The following NEB variants were observed in gnomAD, a reference collection of about 807,000 sequenced individuals.
NEB encodes nemaline myopathy type 2.
Under a neutral mutation model 952.2 loss-of-function variants are expected in NEB, and 512 were observed. That is an observed-to-expected ratio of 0.54 (90% confidence interval 0.50 to 0.58). The LOEUF (loss-of-function observed/expected upper bound fraction) is 0.58. NEB is among the 20% of genes least tolerant of loss of function. The pLI is 0.00. For synonymous variants in NEB, 2,900 were observed against 3,149.8 expected, an observed-to-expected ratio of 0.92 and a Z score of 2.66; for missense variants, 8,428 against 9,231.1, an observed-to-expected ratio of 0.91 and a Z score of 3.56.
rs115142419 is a variant in NEB at position 151,551,735 on chromosome 2, C to T, written c.19944+3G>A. Reference sequence around the variant, plus strand: ...TGGGCACTCTCAAGTTCTCACTGCTCACCGAACTCTGGAGCTTGTATGCAT... The same window carrying T: ...TGGGCACTCTCAAGTTCTCACTGCTTACCGAACTCTGGAGCTTGTATGCAT... On this transcript the variant is annotated splice_donor_region_variant and intron_variant, in intron 129 of 181. Transcript: ENST00000397345. The T allele has an allele frequency of 4.4e-4, 708 of 1,612,008 alleles. No individual in the cohort carries two copies. The African/African-American group carries it at 7.5e-3, about 17-fold the overall frequency.
chr2:151,552,749 T>A lies in NEB; in HGVS notation c.19759A>T (p.Thr6587Ser), dbSNP rs1416292485. The change falls in exon 128 of 182, where the codon ACA becomes TCA. Residue 6587 changes from threonine to serine, a missense_variant. Coordinates refer to ENST00000397345, the MANE Select transcript of NEB (RefSeq NM_001164508.2). ...GTGACAAGCTTGTAGTCATTCCTTG[T>A]TTTCAACATGTGAGCTTTATACTTG... ...DIKYKAHMLK[T>S]RNDYKLVTDT... The A allele has an allele frequency of 1.2e-5, 19 of 1,613,128 alleles. No individual in the cohort carries two copies. Among genetic ancestry groups the A allele is most frequent in the Non-Finnish European group, 1.6e-5 (19 of 1,179,450 alleles).
At chr2:151,548,276 A>T in intron 131 of NEB, 32 bp downstream of exon 131, 2 of 1,522,892 alleles carry the variant, frequency 1.3e-6, no homozygotes, top group Non-Finnish European at 1.8e-6. Context: ...TTGAAACTCA[A>T]TATGTCTCTT....
chr2:151,732,194 A>G, intron 3 of NEB, among the ~76,000 whole-genome samples: 1 of 152,090 alleles, frequency 6.6e-6, no homozygotes, highest in Non-Finnish European at 1.5e-5. Context: ...GGAGATTTTC[A>G]TGTGTTTAGA....
chr2:151,723,585 G>A (rs977931111), intron 8 of NEB, 99 bp from the exon 9 acceptor site: 6 of 807,044 alleles, frequency 7.4e-6, no homozygotes, highest in Non-Finnish European at 1.2e-5. Flanking sequence ...AAGAACCAAG[G>A]GCCAGGTGAG....
intron 24 of NEB, 59 bp downstream of exon 24, chr2:151,690,668 C>T: frequency 8.2e-7 from 1 of 1,220,630 alleles, no homozygotes; most frequent in South Asian, 1.3e-5. Flanking sequence ...TAAATGCTTA[C>T]ATTTTAAATG....
intron 159 of NEB, among the ~76,000 whole-genome samples, chr2:151,513,975 G>A (rs147769181): frequency 6.1e-4 from 93 of 152,262 alleles, no homozygotes; most frequent in African/African-American, 1.9e-3. Flanking sequence ...AAAGTAAATT[G>A]TACATCTAGT....
Position 151,650,677 on chromosome 2 carries a change from A to G in NEB, c.7124T>C (p.Leu2375Ser). 1 of 1,613,874 alleles carries G rather than the reference A, an allele frequency of 6.2e-7. No individual in the cohort carries two copies. The highest frequency in any genetic ancestry group is 8.5e-7 in the Non-Finnish European group (1 of 1,179,804). The change falls in exon 53 of 182, where the codon TTG becomes TCG. Residue 2375 changes from leucine to serine, a missense_variant. This residue lies in a region of NEB where 1,772 missense variants were observed against 1,960.3 expected (regional missense o/e 0.90). Transcript: ENST00000397345. Reference sequence around the variant, plus strand: ...GTTCTTGTAGTCCACGTCACTAACCAACTCCTGACACTTCTTGGCCAGTAC... The same window carrying G: ...GTTCTTGTAGTCCACGTCACTAACCGACTCCTGACACTTCTTGGCCAGTAC... ...GVVLAKKCQE[L>S]VSDVDYKNYL...
Position 151,548,311 on chromosome 2 carries a change from G to A in NEB, c.20154C>T (p.Ser6718=), listed in dbSNP as rs753253128. 55 of 1,608,202 alleles carry A rather than the reference G, an allele frequency of 3.4e-5. No individual in the cohort carries two copies. Among genetic ancestry groups the A allele is most frequent in the Middle Eastern group, 1.6e-4 (1 of 6,072 alleles). Residue 6718 remains serine (S), a synonymous_variant, in exon 131 of 182, where the codon AGC becomes AGT. Coordinates refer to ENST00000397345, the MANE Select transcript of NEB (RefSeq NM_001164508.2). The part of the protein sequence containing the change: ...VHVRRVNNVT[S]ERLYRELYHK... ...TGGAGAATCAGCATTCAGGTACCTC[G>A]CTGGTAACATTGTTGACTCTCCGGA...
intron 124 of NEB, 102 bp from the exon 125 acceptor site, chr2:151,555,146 C>T: frequency 1.3e-6 from 1 of 783,930 alleles, no homozygotes; most frequent in Non-Finnish European, 2.1e-6. Flanking sequence ...ACTCTGAGAT[C>T]CACCCAGCGT....
At chr2:151,721,206 C>T (rs991580792) in intron 9 of NEB, among the ~76,000 whole-genome samples, 1 of 152,092 alleles carries the variant, frequency 6.6e-6, no homozygotes, top group Non-Finnish European at 1.5e-5. Context: ...CCTGTATTTC[C>T]TAATCTCAAT....
At chr2:151,671,472 T>A (rs2099290481) in intron 37 of NEB, 3 of 439,298 alleles carry the variant, frequency 6.8e-6, no homozygotes, top group South Asian at 4.7e-5. Context: ...CTAAAAAAAA[T>A]TTTGTCACTT....
Position 151,671,033 on chromosome 2 carries a change from T to C in NEB, c.4496A>G (p.Gln1499Arg), listed in dbSNP as rs2099279149. 9.3e-6 allele frequency: 15 copies of C among 1,613,592 alleles called. No homozygotes were observed. Among genetic ancestry groups the C allele is most frequent in the Non-Finnish European group, 1.0e-5 (12 of 1,179,634 alleles). The change falls in exon 38 of 182, where the codon CAG (glutamine) becomes CGG (arginine). Residue 1499 changes from glutamine (Q) to arginine (R), a missense_variant. Coordinates refer to ENST00000397345, the MANE Select transcript of NEB (RefSeq NM_001164508.2). ...GMVLAQHNTK[Q>R]LSDLNYKVEG... ...AAGGAAAGCACTCACATCACTTAGC[T>C]GCTTTGTGTTATGCTGAGCCAACAC...
chr2:151,632,765 AG>A (rs2098694890), intron 65 of NEB, among the ~76,000 whole-genome samples: 1 of 152,084 alleles, frequency 6.6e-6, no homozygotes, highest in South Asian at 2.1e-4. Flanking sequence ...CACATTATGA[AG>A]GTCATATCGC....
intron 24 of NEB, chr2:151,689,614 G>T (rs1473145767): frequency 1.3e-5 from 2 of 152,166 alleles, no homozygotes; most frequent in Non-Finnish European, 2.9e-5. Context: ...GTTTAATTTT[G>T]GAGCCAAAGG....
chr2:151,490,158 T>C (rs1183914657), intron 180 of NEB, 81 bp from the exon 181 acceptor site: 4 of 1,240,260 alleles, frequency 3.2e-6, no homozygotes, highest in Non-Finnish European at 4.6e-6. Flanking sequence ...CTGAGTGATG[T>C]CTTTTTCCCC....
At chr2:151,518,564 A>C (rs2079589990) in intron 155 of NEB, 142 bp from the exon 156 acceptor site, 4 of 647,830 alleles carry the variant, frequency 6.2e-6, no homozygotes, top group Non-Finnish European at 1.1e-5. Context: ...AGGTTAAGAA[A>C]AAGTTTTAAA....
chr2:151,535,548 G>T, intron 142 of NEB, 143 bp downstream of exon 142: 1 of 553,676 alleles, frequency 1.8e-6, no homozygotes, highest in South Asian at 2.4e-5. Context: ...TGACATTATA[G>T]AGTCTTTTCC....
chr2:151,491,897 G>C (rs2056897257), intron 178 of NEB, 122 bp from the exon 179 acceptor site: 1 of 988,862 alleles, frequency 1.0e-6, no homozygotes, highest in Non-Finnish European at 1.5e-6. Context: ...CTTAGGTTCT[G>C]GGTCATGTCT....
intron 55 of NEB, among the ~76,000 whole-genome samples, chr2:151,645,157 G>A (rs771381367): frequency 1.1e-4 from 17 of 152,172 alleles, no homozygotes; most frequent in Non-Finnish European, 2.2e-4. Context: ...GCAAGAATCA[G>A]GCAGAAGTAA....
Sources: allele counts gnomAD v4.1 joint callset (sites outside exome capture counted in the v4.1 genomes callset), GRCh38; gene constraint gnomAD v4.1.1; regional missense constraint gnomAD v4.1.1; transcripts MANE v1.5; gene names NCBI Gene and HGNC (gene_info 2026-07-23, HGNC 2026-07-21).